Variants in BABAM2 observed in about 807,000 individuals in gnomAD.
The protein encoded by BABAM2 is BRISC and BRCA1 A complex member 2, also known as BRISC and BRCA1-A complex member 2.
Under a neutral mutation model 54.7 loss-of-function variants are expected in BABAM2, and 31 were observed. The ratio of observed to expected loss-of-function variants is 0.57; its 90% CI spans 0.43 to 0.77. The LOEUF is 0.77. BABAM2 is among the 30% of genes least tolerant of loss of function. BABAM2 has a pLI of 0.00. For synonymous variants in BABAM2, 167 were observed against 162.9 expected (o/e 1.03, Z -0.19); for missense variants, 364 against 455.8 (o/e 0.80, Z 1.83).
intron 11 of BABAM2, among the ~76,000 whole-genome samples, chr2:28,326,243 A>G (rs1450503046): frequency 6.6e-6 from 1 of 152,152 alleles, no homozygotes; most frequent in African/African-American, 2.4e-5. Context: ...CTGCGTGAGT[A>G]GCCCTCCTCC....
chr2:28,102,665 A>G (rs1432221077), intron 6 of BABAM2, among the ~76,000 whole-genome samples: 2 of 152,216 alleles, frequency 1.3e-5, no homozygotes, highest in African/African-American at 4.8e-5. Flanking sequence ...GGATGCAGGA[A>G]AACAGTGTCT....
chr2:28,199,164 A>G (rs1677975362), intron 7 of BABAM2, among the ~76,000 whole-genome samples: 1 of 152,200 alleles, frequency 6.6e-6, no homozygotes. Flanking sequence ...GAGGGCAAAC[A>G]ATTGATTTTA....
intron 7 of BABAM2, among the ~76,000 whole-genome samples, chr2:28,173,706 A>G (rs1674611125): frequency 6.6e-6 from 1 of 152,208 alleles, no homozygotes. Flanking sequence ...AATTCAGCTT[A>G]GGTCTAGATG....
In BABAM2 at chr2:28,056,386, T is replaced by C. The variant is rs577549987; in HGVS notation, c.570+10587T>C. Among the ~76,000 whole-genome samples the C allele has an allele frequency of 4.1e-4, 62 of 152,370 alleles. 1 individual carries two copies. In the South Asian group the frequency reaches 0.013, roughly 31 times the overall value. Reference sequence around the variant, plus strand: ...ATCCCATAACATCAGATTGTATGCCTTAAATATACACAATAAAATTTATTT... The same window carrying C: ...ATCCCATAACATCAGATTGTATGCCCTAAATATACACAATAAAATTTATTT... On this transcript the variant is annotated intron_variant, in intron 6 of 11. Transcript: ENST00000379624.
At chr2:28,095,314 TC>T (rs1030664332) in intron 6 of BABAM2, among the ~76,000 whole-genome samples, 2 of 152,120 alleles carry the variant, frequency 1.3e-5, no homozygotes, top group African/African-American at 4.8e-5. Flanking sequence ...GCCTATACCT[TC>T]CCTGGCAGAG....
rs1573338123 is a variant in BABAM2, at chr2:27,989,407, A to G, written c.300+1320A>G. ...AACAAAAGTGGGAGGTATGACAAAG[A>G]GTATTTCAGGTGGGGGAATGACATA... On this transcript the variant is annotated intron_variant, in intron 4 of 11. Coordinates refer to ENST00000379624, the MANE Select transcript of BABAM2 (RefSeq NM_199191.3). 2.0e-5 allele frequency among the ~76,000 whole-genome samples: 3 copies of G among 152,336 alleles called. No homozygotes were observed. The South Asian group carries it at 6.2e-4, about 32-fold the overall frequency.
intron 7 of BABAM2, among the ~76,000 whole-genome samples, chr2:28,222,631 A>G (rs1166010059): frequency 6.6e-6 from 1 of 152,232 alleles, no homozygotes; most frequent in Non-Finnish European, 1.5e-5. Context: ...TTGAAGCCTT[A>G]AGAAAACAGT....
chr2:27,895,490 G>T (rs1464871716), intron 2 of BABAM2, among the ~76,000 whole-genome samples: 1 of 152,122 alleles, frequency 6.6e-6, no homozygotes, highest in Non-Finnish European at 1.5e-5. Context: ...GTGTAGTACA[G>T]ATGTGTTGTT....
intron 11 of BABAM2, among the ~76,000 whole-genome samples, chr2:28,326,518 C>T (rs961858952): frequency 6.6e-6 from 1 of 152,182 alleles, no homozygotes; most frequent in Non-Finnish European, 1.5e-5. Context: ...CAGCCCCAGC[C>T]CAGCCAGGTG....
At chr2:28,063,114 A>G (rs1679033888) in intron 6 of BABAM2, among the ~76,000 whole-genome samples, 1 of 152,158 alleles carries the variant, frequency 6.6e-6, no homozygotes, top group African/African-American at 2.4e-5. Flanking sequence ...TGGGTATGTG[A>G]TCTAAGCTTG....
chr2:28,176,860 A>T, intron 7 of BABAM2, among the ~76,000 whole-genome samples: 1 of 148,158 alleles, frequency 6.7e-6, no homozygotes. Context: ...AAAAAAAAGA[A>T]GAAGGAGAAG....
At chr2:28,081,824 A>G (rs1665197141) in intron 6 of BABAM2, among the ~76,000 whole-genome samples, 1 of 152,216 alleles carries the variant, frequency 6.6e-6, no homozygotes, top group Non-Finnish European at 1.5e-5. Context: ...CTCATTCTCT[A>G]GGTGTGGACA....
intron 6 of BABAM2, among the ~76,000 whole-genome samples, chr2:28,062,433 C>T (rs182592631): frequency 1.7e-3 from 250 of 145,352 alleles, no homozygotes; most frequent in African/African-American, 6.2e-3. Flanking sequence ...TGTGGTGGTG[C>T]GTGCCTGTAG....
At chr2:28,266,419 T>G (rs1370885084) in intron 10 of BABAM2, among the ~76,000 whole-genome samples, 1 of 152,264 alleles carries the variant, frequency 6.6e-6, no homozygotes, top group Non-Finnish European at 1.5e-5. Flanking sequence ...CTGAGTTAAT[T>G]CAAAGGCTCA....
At chr2:27,934,250 T>C (rs1308484277) in intron 3 of BABAM2, among the ~76,000 whole-genome samples, 1 of 152,218 alleles carries the variant, frequency 6.6e-6, no homozygotes, top group East Asian at 1.9e-4. Flanking sequence ...TTCTAAATCA[T>C]GAAGCGTTTC....
intron 4 of BABAM2, among the ~76,000 whole-genome samples, chr2:28,011,929 A>C (rs1311918316): frequency 6.6e-6 from 1 of 152,192 alleles, no homozygotes; most frequent in African/African-American, 2.4e-5. Flanking sequence ...ATGATCTTTC[A>C]TTGTGATTTA....
intron 7 of BABAM2, among the ~76,000 whole-genome samples, chr2:28,185,397 G>A (rs866745500): frequency 2.6e-4 from 40 of 152,118 alleles, no homozygotes; most frequent in Admixed American, 1.8e-3. Context: ...AAAATCTGTC[G>A]TGGTAACATC....
At chr2:28,333,914 G>A (rs1279349620) in intron 11 of BABAM2, among the ~76,000 whole-genome samples, 1 of 152,150 alleles carries the variant, frequency 6.6e-6, no homozygotes, top group East Asian at 1.9e-4. Context: ...CTGTACTCTG[G>A]GCAGCTCTCC....
In BABAM2 at chr2:28,040,294, C is replaced by CT. The variant is rs397735161; in HGVS notation, c.496-5407dup. On this transcript the variant is annotated intron_variant, in intron 5 of 11. Transcript: ENST00000379624. ...CAGTGCCAGAATGAAAAACTGAATT[C>CT]TTTTTTTTTTTTTTTTTTTTTTTTG... 4.0e-3 allele frequency among the ~76,000 whole-genome samples: 235 copies of CT among 59,420 alleles called. 26 individuals are homozygous for CT. Among genetic ancestry groups the CT allele is most frequent in the South Asian group, 0.023 (18 of 796 alleles). 39.0% of individuals were successfully genotyped at this position (59,420 alleles called of 152,430 possible). A position where few individuals can be genotyped will look rare whatever the true frequency, so the allele number is the denominator to read the frequency against.
Sources: allele counts gnomAD v4.1 joint callset (sites outside exome capture counted in the v4.1 genomes callset), GRCh38; gene constraint gnomAD v4.1.1; transcripts MANE v1.5; gene names NCBI Gene and HGNC (gene_info 2026-07-23, HGNC 2026-07-21).